LINGO2: variants seen among roughly 807,000 people sequenced by gnomAD.
LINGO2 encodes the protein leucine-rich repeat and immunoglobulin-like domain-containing nogo receptor-interacting protein 2.
In LINGO2, 14 loss-of-function variants were observed where a neutral mutation model predicts 30.6. That is an observed-to-expected ratio of 0.46 (90% CI 0.30 to 0.72). The LOEUF (loss-of-function observed/expected upper bound fraction) is 0.72, where lower values mean the gene tolerates loss of function less well. Among genes scored for constraint, LINGO2 ranks in the 30% least tolerant of loss-of-function variants. The probability of loss-of-function intolerance (pLI) is 0.07; values close to 1 mark genes in which losing one functional copy is unlikely to be tolerated. For synonymous variants in LINGO2, 317 were observed against 288.5 expected (o/e 1.10, Z -1.00); for missense variants, 729 against 751.7 (o/e 0.97, Z 0.35).
At chr9:28,045,419 C>T (rs569030407) in intron 4 of LINGO2, among the ~76,000 whole-genome samples, 1 of 152,206 alleles carries the variant, frequency 6.6e-6, no homozygotes, top group Non-Finnish European at 1.5e-5. Flanking sequence ...GCTCTAGCAA[C>T]TTATAAAGCT....
chr9:28,224,165 C>T (rs1821064913), intron 4 of LINGO2, among the ~76,000 whole-genome samples: 1 of 152,128 alleles, frequency 6.6e-6, no homozygotes, highest in East Asian at 1.9e-4. Flanking sequence ...CTCGGGTTCA[C>T]ACCATTCTCC....
intron 4 of LINGO2, among the ~76,000 whole-genome samples, chr9:28,189,120 A>G (rs987002471): frequency 7.2e-5 from 11 of 152,046 alleles, no homozygotes; most frequent in African/African-American, 2.4e-4. Context: ...AATTCAGAAC[A>G]AAGTTCCTGA....
intron 1 of LINGO2, among the ~76,000 whole-genome samples, chr9:28,599,571 A>G (rs1825375408): frequency 6.6e-6 from 1 of 152,154 alleles, no homozygotes; most frequent in African/African-American, 2.4e-5. Flanking sequence ...AATATCCAAC[A>G]TATTTTCAGG....
At chr9:28,995,753 A>G in the LINGO2 span, among the ~76,000 whole-genome samples, 24 of 152,282 alleles carry the variant, frequency 1.6e-4, no homozygotes, top group African/African-American at 5.8e-4. Flanking sequence ...CATCATTCTC[A>G]GTAAACTATC....
At chr9:28,410,205 A>C (rs936454886) in intron 2 of LINGO2, among the ~76,000 whole-genome samples, 3 of 152,066 alleles carry the variant, frequency 2.0e-5, no homozygotes, top group African/African-American at 7.2e-5. Flanking sequence ...AGGAAGAAAT[A>C]GAGGTTATAA....
intron 1 of LINGO2, among the ~76,000 whole-genome samples, chr9:28,531,416 T>A (rs73644055): frequency 3.3e-5 from 5 of 152,096 alleles, no homozygotes; most frequent in Non-Finnish European, 7.4e-5. Context: ...CTACATTTTT[T>A]CAATTTTCCA....
chr9:29,083,273 G>A, the LINGO2 span, among the ~76,000 whole-genome samples: 140 of 152,288 alleles, frequency 9.2e-4, no homozygotes, highest in African/African-American at 3.2e-3. Context: ...ATGAGTTCAT[G>A]TCCTTTGTAG....
chr9:28,526,907 T>C (rs1019586226), intron 1 of LINGO2, among the ~76,000 whole-genome samples: 13 of 152,206 alleles, frequency 8.5e-5, no homozygotes, highest in African/African-American at 3.1e-4. Flanking sequence ...ATAGGGAATG[T>C]TTACCTACTG....
chr9:28,802,281 T>C, the LINGO2 span, among the ~76,000 whole-genome samples: 2 of 152,046 alleles, frequency 1.3e-5, no homozygotes, highest in Non-Finnish European at 2.9e-5. Flanking sequence ...ATTTCTATAA[T>C]TTAAAATCTA....
chr9:28,834,005 A>T, the LINGO2 span, among the ~76,000 whole-genome samples: 3 of 150,224 alleles, frequency 2.0e-5, no homozygotes, highest in Admixed American at 2.0e-4. Context: ...CTGGATGTAG[A>T]AACTGTTTCT....
At position 28,453,775 on chromosome 9, in the gene LINGO2, C is replaced by A. The variant is rs74665502; in HGVS notation, c.-279+22165G>T. On this transcript the variant is annotated intron_variant, in intron 2 of 5. Transcript: ENST00000379992. ...TTTTGGAACTCCTCCTTGGCAACCA[C>A]CTTCAGGGCCCACAGCACATGACTC... is the stretch of plus-strand genomic sequence containing the variant. 4.6e-5 allele frequency among the ~76,000 whole-genome samples: 7 copies of A among 151,686 alleles called. No individual in the cohort carries two copies. In the South Asian group the frequency reaches 1.2e-3, roughly 27 times the overall value.
At chr9:28,484,773 T>C (rs1228808391) in intron 1 of LINGO2, among the ~76,000 whole-genome samples, 1 of 152,098 alleles carries the variant, frequency 6.6e-6, no homozygotes, top group Non-Finnish European at 1.5e-5. Flanking sequence ...GAAGGAACTT[T>C]ACAATATTAA....
At chr9:28,846,925 GAA>G in the LINGO2 span, among the ~76,000 whole-genome samples, 5 of 139,452 alleles carry the variant, frequency 3.6e-5, 1 homozygote, top group Admixed American at 7.1e-5. Context: ...AAGAGTGAAG[GAA>G]AAAAAAAAAG....
chr9:28,587,279 A>C (rs1307330638), intron 1 of LINGO2, among the ~76,000 whole-genome samples: 1 of 152,062 alleles, frequency 6.6e-6, no homozygotes, highest in Non-Finnish European at 1.5e-5. Context: ...CTGAAGCAAT[A>C]CTGCAGGTAC....
At chr9:28,822,837 C>A in the LINGO2 span, among the ~76,000 whole-genome samples, 1 of 152,014 alleles carries the variant, frequency 6.6e-6, no homozygotes, top group Non-Finnish European at 1.5e-5. Flanking sequence ...TCCAGAGAAC[C>A]CTGACTAATA....
the LINGO2 span, among the ~76,000 whole-genome samples, chr9:28,798,807 A>G: frequency 6.7e-3 from 1,025 of 152,278 alleles, 1 homozygote; most frequent in Non-Finnish European, 0.01. Flanking sequence ...AATGGCACAT[A>G]TAAGAGAAGT....
chr9:28,170,112 G>A (rs1177723084), intron 4 of LINGO2, among the ~76,000 whole-genome samples: 1 of 152,202 alleles, frequency 6.6e-6, no homozygotes, highest in African/African-American at 2.4e-5. Flanking sequence ...ACTTGGAACA[G>A]TGCCAGGACC....
intron 1 of LINGO2, among the ~76,000 whole-genome samples, chr9:28,577,299 C>G (rs1332904582): frequency 6.6e-6 from 1 of 152,124 alleles, no homozygotes; most frequent in African/African-American, 2.4e-5. Flanking sequence ...TTTGAGTTGT[C>G]TTTTCAGACT....
At chr9:28,564,476 C>A (rs1236636520) in intron 1 of LINGO2, among the ~76,000 whole-genome samples, 3 of 152,062 alleles carry the variant, frequency 2.0e-5, no homozygotes, top group African/African-American at 7.2e-5. Flanking sequence ...TTACAACTAA[C>A]CAAGTTCTTG....
Sources: allele counts gnomAD v4.1 joint callset (sites outside exome capture counted in the v4.1 genomes callset), GRCh38; gene constraint gnomAD v4.1.1; transcripts MANE v1.5; gene names NCBI Gene and HGNC (gene_info 2026-07-23, HGNC 2026-07-21).